The following PPA2 variants were observed in gnomAD, a reference collection of about 807,000 sequenced individuals.
PPA2 encodes inorganic pyrophosphatase 2, mitochondrial.
Under a neutral mutation model 49.5 loss-of-function variants are expected in PPA2, and 48 were observed. The ratio of observed to expected loss-of-function variants is 0.97; its 90% CI spans 0.77 to 1.23. The LOEUF (loss-of-function observed/expected upper bound fraction) is 1.23, where lower values mean the gene tolerates loss of function less well. Among genes scored for constraint, PPA2 ranks in the 50% most tolerant of loss-of-function variants. The pLI, the probability that PPA2 is intolerant of heterozygous loss-of-function variation, is 0.00. For synonymous variants in PPA2, 131 were observed against 139.9 expected (o/e 0.94, Z 0.45); for missense variants, 429 against 410.1 (o/e 1.05, Z -0.40).
chr4:105,382,258 A>G (rs1441733805), intron 10 of PPA2, among the ~76,000 whole-genome samples: 1 of 152,126 alleles, frequency 6.6e-6, no homozygotes, highest in African/African-American at 2.4e-5. Context: ...TGTGGTCTGC[A>G]TGACAGCAAG....
intron 7 of PPA2, among the ~76,000 whole-genome samples, chr4:105,417,557 C>CA (rs201997808): frequency 9.3e-4 from 74 of 79,866 alleles, no homozygotes; most frequent in Non-Finnish European, 1.7e-3. Flanking sequence ...ATGACTGAAA[C>CA]CAAAAAAAAA....
rs75496735 is a variant in PPA2, at chr4:105,468,247, C to T, written c.157+5647G>A. 1.3e-4 allele frequency among the ~76,000 whole-genome samples: 20 copies of T among 152,268 alleles called. No individual in the cohort carries two copies. The East Asian group carries it at 3.9e-3, about 29-fold the overall frequency. On this transcript the variant is annotated intron_variant, in intron 1 of 11. Transcript: ENST00000341695. ...CCCTTTACAGAAAACTTTGCCAACA[C>T]CTGCCCTAGAGAGGCAGTATAGATA...
At chr4:105,426,043 G>A (rs956964565) in intron 6 of PPA2, among the ~76,000 whole-genome samples, 6 of 152,068 alleles carry the variant, frequency 3.9e-5, no homozygotes, top group African/African-American at 1.4e-4. Flanking sequence ...GAACTTTCTG[G>A]GATGATGGAA....
At chr4:105,402,237 T>C (rs756918277) in intron 7 of PPA2, among the ~76,000 whole-genome samples, 11 of 150,024 alleles carry the variant, frequency 7.3e-5, no homozygotes, top group Non-Finnish European at 1.2e-4. Context: ...TGAGACCCCA[T>C]CTAAAAATAA....
At chr4:105,469,811 T>C (rs1723448890) in intron 1 of PPA2, among the ~76,000 whole-genome samples, 1 of 152,230 alleles carries the variant, frequency 6.6e-6, no homozygotes, top group African/African-American at 2.4e-5. Context: ...AGGCCAACTT[T>C]AAAAAGTTAC....
At chr4:105,464,540 G>T (rs754715193) in intron 1 of PPA2, among the ~76,000 whole-genome samples, 17 of 152,182 alleles carry the variant, frequency 1.1e-4, no homozygotes, top group Non-Finnish European at 2.1e-4. Flanking sequence ...TTTGAGAGGG[G>T]CCAGGGGCAG....
rs77380101 is a variant in PPA2, at chr4:105,414,791, T to C, written c.655+9405A>G. Among the ~76,000 whole-genome samples the C allele has an allele frequency of 4.9e-3, 750 of 152,252 alleles. 8 individuals carry two copies. Among genetic ancestry groups the C allele is most frequent in the Non-Finnish European group, 6.5e-3 (445 of 68,010 alleles). On this transcript the variant is annotated intron_variant, in intron 7 of 11. Coordinates refer to ENST00000341695, the MANE Select transcript of PPA2 (RefSeq NM_176869.3). ...CTTAGGGTTCTTTCAGTTTCGCCAT[T>C]TGGGTGTTCCCGAGTGCTTCTCCCG...
At chr4:105,399,237 C>T in intron 7 of PPA2, 73 bp from the exon 8 acceptor site, 1 of 1,448,106 alleles carries the variant, frequency 6.9e-7, no homozygotes. Context: ...GAGCATTGGA[C>T]TGAGGGAGCC....
intron 2 of PPA2, 60 bp downstream of exon 2, chr4:105,456,621 G>C: frequency 2.9e-6 from 4 of 1,369,814 alleles, no homozygotes; most frequent in Non-Finnish European, 4.0e-6. Flanking sequence ...CTTCCAAAAA[G>C]CATCTAATGG....
At chr4:105,415,170 G>C (rs1459002381) in intron 7 of PPA2, among the ~76,000 whole-genome samples, 1 of 152,212 alleles carries the variant, frequency 6.6e-6, no homozygotes, top group Non-Finnish European at 1.5e-5. Context: ...AGAACAGACA[G>C]CCTGGTCCCC....
intron 7 of PPA2, among the ~76,000 whole-genome samples, chr4:105,419,629 G>A (rs905188198): frequency 6.6e-6 from 1 of 152,092 alleles, no homozygotes; most frequent in Non-Finnish European, 1.5e-5. Context: ...TGATGCAATG[G>A]CTAGTTTAAG....
chr4:105,450,591 G>A (rs544420416), intron 3 of PPA2, among the ~76,000 whole-genome samples: 4 of 116,208 alleles, frequency 3.4e-5, no homozygotes, highest in African/African-American at 1.2e-4. Context: ...GGCCAGGCTG[G>A]TCTGGAATTC....
intron 9 of PPA2, among the ~76,000 whole-genome samples, chr4:105,393,036 C>G (rs1456489523): frequency 6.6e-6 from 1 of 152,086 alleles, no homozygotes; most frequent in Non-Finnish European, 1.5e-5. Flanking sequence ...GCAAAGGAAA[C>G]AAAATGAGTA....
intron 7 of PPA2, among the ~76,000 whole-genome samples, chr4:105,400,928 T>G (rs2110397307): frequency 6.6e-6 from 1 of 152,196 alleles, no homozygotes; most frequent in South Asian, 2.1e-4. Flanking sequence ...TAAGCTAAAC[T>G]TTTCCATTCT....
In PPA2 at chr4:105,446,389, G is replaced by C; in HGVS notation, c.435C>G (p.Leu145=). 1.3e-6 allele frequency: 2 copies of C among 1,555,562 alleles called. No homozygotes were observed. The highest frequency in any genetic ancestry group is 1.7e-6 in the Non-Finnish European group (2 of 1,150,958). ...ATTGTAACAAAAATGTTACCTGAGG[G>C]AGGGTACCATAATTCCATATATAAC... The part of the protein sequence containing the change: ...YKGYIWNYGT[L]PQTWEDPHEK... The change falls in exon 5 of 12, where the codon CTC becomes CTG. Residue 145 remains leucine, a synonymous_variant. Transcript: ENST00000341695.
intron 1 of PPA2, among the ~76,000 whole-genome samples, chr4:105,466,947 G>A (rs72954323): frequency 0.077 from 11,669 of 152,230 alleles, 615 homozygotes; most frequent in African/African-American, 0.15. Flanking sequence ...TTGCCTCTTA[G>A]TGCAAACGCT....
At chr4:105,375,571 G>A (rs964134440) in intron 10 of PPA2, among the ~76,000 whole-genome samples, 7 of 152,072 alleles carry the variant, frequency 4.6e-5, no homozygotes, top group African/African-American at 1.7e-4. Context: ...TGATTAAAGT[G>A]CGTGCCCATA....
At chr4:105,466,649 A>AGC (rs1723314025) in intron 1 of PPA2, among the ~76,000 whole-genome samples, 1 of 152,160 alleles carries the variant, frequency 6.6e-6, no homozygotes, top group African/African-American at 2.4e-5. Flanking sequence ...GAACAAAGGG[A>AGC]AGGAAGGTAC....
rs1722888128 is a variant in PPA2 at position 105,456,699 on chromosome 4, C to T, written c.204G>A (p.Leu68=). 6.2e-7 allele frequency: 1 copy of T among 1,606,486 alleles called. No individual in the cohort carries two copies. Among genetic ancestry groups the T allele is most frequent in the South Asian group, 1.1e-5 (1 of 90,330 alleles). Residue 68 remains leucine, a synonymous_variant, in exon 2 of 12, where the codon CTG becomes CTA. Coordinates refer to ENST00000341695, the MANE Select transcript of PPA2 (RefSeq NM_176869.3). ...ACAATACCTCTTTAGAGTTCACCTTCAGAGGAATATCATGAAAGGGGGAAA... is the reference window on the plus strand; with the variant it reads ...ACAATACCTCTTTAGAGTTCACCTTTAGAGGAATATCATGAAAGGGGGAAA... The part of the protein sequence containing the change: ...HYISPFHDIP[L]KVNSKEENGI...
Sources: allele counts gnomAD v4.1 joint callset (sites outside exome capture counted in the v4.1 genomes callset), GRCh38; gene constraint gnomAD v4.1.1; transcripts MANE v1.5; gene names NCBI Gene and HGNC (gene_info 2026-07-23, HGNC 2026-07-21).